CUBN: variants seen among roughly 807,000 people sequenced by gnomAD.
The protein encoded by CUBN is 460 kDa receptor.
A neutral mutation model predicts 405.3 loss-of-function variants in CUBN; 282 were observed. The ratio of observed to expected loss-of-function variants is 0.70; its 90% CI spans 0.63 to 0.77. The LOEUF is 0.77. CUBN is among the 30% of genes least tolerant of loss of function. The pLI, the probability that CUBN is intolerant of heterozygous loss-of-function variation, is 0.00. For missense variants in CUBN, 4,514 were observed against 4,475.2 expected, an observed-to-expected ratio of 1.01 and a Z score of -0.25; for synonymous variants, 1,684 against 1,617.0, an observed-to-expected ratio of 1.04 and a Z score of -0.99.
chr10:16,940,882 G>A (rs534021395), intron 36 of CUBN, among the ~76,000 whole-genome samples: 1 of 152,274 alleles, frequency 6.6e-6, no homozygotes, highest in East Asian at 1.9e-4. Flanking sequence ...CTGCAAAGGT[G>A]TATGTACTTA....
At chr10:17,045,213 C>T (rs1193241741) in intron 24 of CUBN, 25 bp from the exon 25 acceptor site, 3 of 1,609,556 alleles carry the variant, frequency 1.9e-6, no homozygotes, top group African/African-American at 2.7e-5. Flanking sequence ...AGTGGAATGA[C>T]ACACACCCCT....
At chr10:16,865,895 C>G (rs541957766) in intron 59 of CUBN, among the ~76,000 whole-genome samples, 2 of 152,290 alleles carry the variant, frequency 1.3e-5, no homozygotes, top group South Asian at 4.1e-4. Flanking sequence ...CTGTAACACT[C>G]ACCACGAAGG....
At chr10:16,904,987 A>G (rs749892973) in intron 50 of CUBN, among the ~76,000 whole-genome samples, 1 of 152,206 alleles carries the variant, frequency 6.6e-6, no homozygotes, top group Non-Finnish European at 1.5e-5. Flanking sequence ...GCCCGTGGGT[A>G]CAGGCTCTAT....
chr10:16,926,499 A>G (rs1311875208), intron 41 of CUBN, among the ~76,000 whole-genome samples: 1 of 152,128 alleles, frequency 6.6e-6, no homozygotes, highest in Non-Finnish European at 1.5e-5. Context: ...ACAGGAGCAG[A>G]GTGTCCAATA....
At chr10:16,864,436 CAT>C (rs1390374242) in intron 59 of CUBN, among the ~76,000 whole-genome samples, 2 of 151,728 alleles carry the variant, frequency 1.3e-5, no homozygotes, top group Non-Finnish European at 2.9e-5. Context: ...CTTTCTAATA[CAT>C]AGAGTCTTTC....
At chr10:16,901,867 T>TTA (rs1465016944) in intron 51 of CUBN, among the ~76,000 whole-genome samples, 3 of 122,810 alleles carry the variant, frequency 2.4e-5, no homozygotes, top group Non-Finnish European at 3.5e-5. Context: ...AAAAACCATA[T>TTA]TATATATATA....
At chr10:16,966,066 C>G in intron 31 of CUBN, 1 of 457,534 alleles carries the variant, frequency 2.2e-6, no homozygotes, top group Non-Finnish European at 4.5e-6. Context: ...TATTCACGGT[C>G]TCCAAGAAAG....
intron 31 of CUBN, among the ~76,000 whole-genome samples, chr10:16,963,196 C>CTTTTTTTTTT (rs200023246): frequency 5.1e-4 from 43 of 84,018 alleles, no homozygotes; most frequent in Non-Finnish European, 6.9e-4. Context: ...TCTTTTTTTT[C>CTTTTTTTTTT]TTTTTTTTTT....
At position 16,836,242 on chromosome 10, in the gene CUBN, C is replaced by T; in HGVS notation, c.10173G>A (p.Gln3391=). ...NRNSRMSFTY[Q]IADCNRDYHK... ...TGAAGTTCCTGGCCTCACCTGCAAT[C>T]TGATAGGTGAAACTCATTCTAGAGT... Residue 3391 remains glutamine (Q), a synonymous_variant, in exon 63 of 67, where the codon CAG becomes CAA. Coordinates refer to ENST00000377833, the MANE Select transcript of CUBN (RefSeq NM_001081.4). The T allele has an allele frequency of 6.2e-7, 1 of 1,613,626 alleles. No homozygotes were observed. Among genetic ancestry groups the T allele is most frequent in the Non-Finnish European group, 8.5e-7 (1 of 1,179,576 alleles).
chr10:16,902,792 G>C (rs1195374763), intron 51 of CUBN, among the ~76,000 whole-genome samples: 1 of 152,180 alleles, frequency 6.6e-6, no homozygotes, highest in African/African-American at 2.4e-5. Flanking sequence ...GTCTGAGAGG[G>C]TAAAGAATGC....
chr10:17,009,761 C>G (rs573226612), intron 28 of CUBN, among the ~76,000 whole-genome samples: 1 of 152,340 alleles, frequency 6.6e-6, no homozygotes, highest in South Asian at 2.1e-4. Context: ...AATGGTGCAT[C>G]TAGGACTGAG....
chr10:17,093,878 C>T (rs1230419728), intron 14 of CUBN, among the ~76,000 whole-genome samples: 11 of 151,532 alleles, frequency 7.3e-5, no homozygotes, highest in Admixed American at 7.2e-4. Context: ...GGAATCAAAG[C>T]AAAAAAAGAA....
intron 29 of CUBN, among the ~76,000 whole-genome samples, chr10:16,989,638 T>C (rs1833524375): frequency 6.6e-6 from 1 of 151,544 alleles, no homozygotes; most frequent in African/African-American, 2.4e-5. Context: ...CAATTAAACA[T>C]TGATTATAAT....
chr10:17,116,105 A>T (rs1385025038), intron 6 of CUBN, among the ~76,000 whole-genome samples: 1 of 152,220 alleles, frequency 6.6e-6, no homozygotes, highest in Non-Finnish European at 1.5e-5. Flanking sequence ...TACAAAGGGC[A>T]ATATGTCTTC....
rs1472434801 is a variant in CUBN at position 16,916,821 on chromosome 10, T to TC, written c.7001-792_7001-791insG. Reference sequence around the variant, plus strand: ...TTTTTTTCTTTTCTTTTTCTTTCTTTTTTTTTTTTTTGAGACAGAGTCTTG... The same window carrying TC: ...TTTTTTTCTTTTCTTTTTCTTTCTTTCTTTTTTTTTTTGAGACAGAGTCTTG... On this transcript the variant is annotated intron_variant, in intron 45 of 66. Transcript: ENST00000377833. Among the ~76,000 whole-genome samples, 5 of 150,550 alleles carry TC rather than the reference T, an allele frequency of 3.3e-5. No homozygotes were observed. In the East Asian group the frequency reaches 9.7e-4, roughly 29 times the overall value.
intron 31 of CUBN, among the ~76,000 whole-genome samples, chr10:16,958,029 T>C (rs2131640036): frequency 6.6e-6 from 1 of 152,294 alleles, no homozygotes. Flanking sequence ...TTCTTCCCTC[T>C]CACAGTCCTT....
chr10:16,935,099 C>T (rs1005553877), intron 39 of CUBN, among the ~76,000 whole-genome samples: 4 of 151,738 alleles, frequency 2.6e-5, no homozygotes, highest in East Asian at 3.8e-4. Flanking sequence ...CATTTAATTA[C>T]GATACCATTA....
chr10:17,047,643 T>A, intron 22 of CUBN, 40 bp from the exon 23 acceptor site: 1 of 1,549,052 alleles, frequency 6.5e-7, no homozygotes, highest in Non-Finnish European at 8.9e-7. Context: ...AAATAGAAAA[T>A]ATTGATATGT....
chr10:17,079,871 C>T (rs1835931290), intron 17 of CUBN, among the ~76,000 whole-genome samples: 1 of 152,122 alleles, frequency 6.6e-6, no homozygotes, highest in African/African-American at 2.4e-5. Context: ...AAAGGAGGTC[C>T]TTTGTGAATT....
Sources: allele counts gnomAD v4.1 joint callset (sites outside exome capture counted in the v4.1 genomes callset), GRCh38; gene constraint gnomAD v4.1.1; transcripts MANE v1.5; gene names NCBI Gene and HGNC (gene_info 2026-07-23, HGNC 2026-07-21).